Variants in CDH20 observed in about 807,000 individuals in gnomAD.
CDH20 encodes cadherin 20.
Under a neutral mutation model 74.2 loss-of-function variants are expected in CDH20, and 29 were observed. The observed-to-expected ratio is 0.39, with a 90% CI of 0.29 to 0.53. CDH20 has a LOEUF of 0.53. Ranked by LOEUF, CDH20 falls within the 20% of genes least tolerant of loss-of-function variation. The pLI is 0.69. For synonymous variants in CDH20, 469 were observed against 405.4 expected, an observed-to-expected ratio of 1.16 and a Z score of -1.88; for missense variants, 988 against 1,048.3, an observed-to-expected ratio of 0.94 and a Z score of 0.79.
intron 7 of CDH20, among the ~76,000 whole-genome samples, chr18:61,528,968 C>T (rs566564097): frequency 6.6e-6 from 1 of 152,250 alleles, no homozygotes; most frequent in South Asian, 2.1e-4. Context: ...TATGGCAATA[C>T]CAAGTATCTA....
In CDH20 at chr18:61,526,333, A is replaced by G. The variant is rs1912413847; in HGVS notation, c.1018-1634A>G. Among the ~76,000 whole-genome samples, 7 of 151,906 alleles carry G rather than the reference A, an allele frequency of 4.6e-5. No individual in the cohort carries two copies. The South Asian group carries it at 1.5e-3, about 32-fold the overall frequency. On this transcript the variant is annotated intron_variant, in intron 6 of 11. Coordinates refer to ENST00000262717, the MANE Select transcript of CDH20 (RefSeq NM_031891.4). ...TAGTAGAGACGATTTTTTTTAAGTAAGAAAATAACAAATCTAGTTAAAGCA... is the reference window on the plus strand; with the variant it reads ...TAGTAGAGACGATTTTTTTTAAGTAGGAAAATAACAAATCTAGTTAAAGCA...
At chr18:61,538,177 T>C (rs1310980291) in intron 8 of CDH20, among the ~76,000 whole-genome samples, 1 of 152,222 alleles carries the variant, frequency 6.6e-6, no homozygotes, top group Non-Finnish European at 1.5e-5. Context: ...TTTATTCCAG[T>C]GAATAACTCG....
rs79313371 is a variant in CDH20, at chr18:61,533,452, A to C, written c.1272-3041A>C. ...ATAGTAAAGTGCCTGATATTCAGCA[A>C]ATGGCAGCTATTGTAATTACTGGTC... is the stretch of plus-strand genomic sequence containing the variant. On this transcript the variant is annotated intron_variant, in intron 7 of 11. Coordinates refer to ENST00000262717, the MANE Select transcript of CDH20 (RefSeq NM_031891.4). Among the ~76,000 whole-genome samples the C allele has an allele frequency of 8.3e-3, 1,271 of 152,358 alleles. 3 individuals carry two copies. The highest frequency in any genetic ancestry group is 0.014 in the Middle Eastern group (4 of 294).
intron 9 of CDH20, among the ~76,000 whole-genome samples, chr18:61,543,041 A>G (rs12454331): frequency 0.011 from 1,605 of 152,222 alleles, 13 homozygotes; most frequent in South Asian, 0.038. Context: ...AAACCATAGG[A>G]GTGGGTAGGT....
intron 1 of CDH20, among the ~76,000 whole-genome samples, chr18:61,440,617 G>T (rs1346758863): frequency 1.3e-5 from 2 of 152,178 alleles, no homozygotes; most frequent in Non-Finnish European, 2.9e-5. Flanking sequence ...ACTCACTCAT[G>T]AACCTGTAGT....
At chr18:61,503,233 G>A in intron 5 of CDH20, 113 bp downstream of exon 5, 1 of 740,534 alleles carries the variant, frequency 1.4e-6, no homozygotes, top group Non-Finnish European at 2.1e-6. Context: ...ATTATCCATA[G>A]ATTCCTTTCT....
chr18:61,554,295 G>A lies in CDH20; in HGVS notation c.2006G>A (p.Gly669Asp). The A allele has an allele frequency of 1.9e-6, 3 of 1,613,920 alleles. No homozygotes were observed. ...AACATCGTCCGCTACGACGACGAGG[G>A]CGGCGGCGAGGAGGACACCGAGGCC... is the stretch of plus-strand genomic sequence containing the variant. Reference protein sequence around the residue: ...HENIVRYDDEGGGEEDTEAFD... With the variant: ...HENIVRYDDEDGGEEDTEAFD... Residue 669 changes from glycine to aspartate, a missense_variant, in exon 12 of 12, where the codon GGC becomes GAC. This residue lies in a region of CDH20 where 375 missense variants were observed against 293.1 expected (regional missense o/e 1.28). Coordinates refer to ENST00000262717, the MANE Select transcript of CDH20 (RefSeq NM_031891.4).
intron 6 of CDH20, among the ~76,000 whole-genome samples, chr18:61,518,299 T>C (rs890979209): frequency 6.6e-6 from 1 of 152,206 alleles, no homozygotes; most frequent in Admixed American, 6.5e-5. Context: ...AATTGGGTCC[T>C]TGACCCCCGT....
chr18:61,544,479 T>C (rs1407066554), intron 9 of CDH20, among the ~76,000 whole-genome samples: 2 of 152,218 alleles, frequency 1.3e-5, no homozygotes, highest in African/African-American at 2.4e-5. Context: ...GCAACGTTTA[T>C]TGAGTGGTGA....
intron 1 of CDH20, among the ~76,000 whole-genome samples, chr18:61,462,731 G>T (rs969004310): frequency 1.4e-5 from 2 of 144,526 alleles, no homozygotes; most frequent in Admixed American, 6.9e-5. Context: ...AAAAGGGGGG[G>T]GGGGCATCTA....
At chr18:61,550,978 C>T (rs1913413580) in intron 11 of CDH20, among the ~76,000 whole-genome samples, 1 of 152,174 alleles carries the variant, frequency 6.6e-6, no homozygotes, top group Non-Finnish European at 1.5e-5. Flanking sequence ...CCATGGCCAT[C>T]TAACCAGGAA....
intron 1 of CDH20, among the ~76,000 whole-genome samples, chr18:61,423,109 C>A (rs1426429975): frequency 6.6e-6 from 1 of 152,166 alleles, no homozygotes; most frequent in African/African-American, 2.4e-5. Flanking sequence ...TGGTCCAATG[C>A]GAGAAGAAGA....
chr18:61,343,814 C>G (rs1910030505), intron 1 of CDH20, among the ~76,000 whole-genome samples: 7 of 152,208 alleles, frequency 4.6e-5, no homozygotes, highest in East Asian at 1.9e-4. Flanking sequence ...AGGCCTGGAC[C>G]AGGGTCAATG....
At chr18:61,522,085 A>G (rs893201680) in intron 6 of CDH20, among the ~76,000 whole-genome samples, 2 of 152,222 alleles carry the variant, frequency 1.3e-5, no homozygotes, top group Non-Finnish European at 2.9e-5. Context: ...TGGGCAAGAT[A>G]AAGAAATAAA....
At chr18:61,517,689 GTT>G (rs375060168) in intron 6 of CDH20, among the ~76,000 whole-genome samples, 1 of 5,078 alleles carries the variant, frequency 2.0e-4, no homozygotes, top group African/African-American at 5.3e-4. Flanking sequence ...ACTAGCTGCA[GTT>G]TTTTTTGTTG....
chr18:61,502,884 T>C (rs750405157), intron 4 of CDH20, 69 bp from the exon 5 acceptor site: 1 of 1,364,186 alleles, frequency 7.3e-7, no homozygotes, highest in Non-Finnish European at 1.0e-6. Flanking sequence ...GGGAGACACC[T>C]AGAAACCAAT....
intron 1 of CDH20, among the ~76,000 whole-genome samples, chr18:61,467,309 C>T (rs80334559): frequency 0.036 from 5,493 of 152,142 alleles, 215 homozygotes; most frequent in East Asian, 0.12. Flanking sequence ...CCTTCTTCTC[C>T]GCTTGAGAAT....
chr18:61,540,058 A>T (rs1912970604), intron 9 of CDH20, among the ~76,000 whole-genome samples: 2 of 152,194 alleles, frequency 1.3e-5, no homozygotes, highest in South Asian at 4.1e-4. Context: ...GTAGCAATGC[A>T]TGTCAGGCTG....
chr18:61,499,852 T>C (rs991906745), intron 3 of CDH20, among the ~76,000 whole-genome samples: 3 of 152,042 alleles, frequency 2.0e-5, no homozygotes, highest in Admixed American at 2.0e-4. Context: ...CCTAGAACTT[T>C]GGGAGGCTGA....
Sources: allele counts gnomAD v4.1 joint callset (sites outside exome capture counted in the v4.1 genomes callset), GRCh38; gene constraint gnomAD v4.1.1; regional missense constraint gnomAD v4.1.1; transcripts MANE v1.5; gene names NCBI Gene and HGNC (gene_info 2026-07-23, HGNC 2026-07-21).